INSL6: variants seen among roughly 807,000 people sequenced by gnomAD.
INSL6 encodes the protein insulin like 6.
A neutral mutation model predicts 9.4 loss-of-function variants in INSL6; 16 were observed. That is an observed-to-expected ratio of 1.70 (90% CI 1.15 to 2.59). The LOEUF (loss-of-function observed/expected upper bound fraction) is 2.59, where lower values mean the gene tolerates loss of function less well. INSL6 is among the 30% of genes most tolerant of loss of function. The pLI is 0.00. For missense variants in INSL6, 391 were observed against 257.3 expected, an observed-to-expected ratio of 1.52 and a Z score of -3.56; for synonymous variants, 154 against 96.9, an observed-to-expected ratio of 1.59 and a Z score of -3.46.
the INSL6 span, among the ~76,000 whole-genome samples, chr9:4,992,546 C>T: frequency 6.6e-6 from 1 of 152,176 alleles, no homozygotes; most frequent in African/African-American, 2.4e-5. Context: ...CCTCCTGTAT[C>T]TGAAATACAC....
the INSL6 span, among the ~76,000 whole-genome samples, chr9:4,999,250 A>G: frequency 6.6e-6 from 1 of 152,308 alleles, no homozygotes; most frequent in South Asian, 2.1e-4. Flanking sequence ...TCTAAAGCCT[A>G]AAAGTTGAAT....
intron 1 of INSL6, among the ~76,000 whole-genome samples, chr9:5,175,881 T>C (rs963340931): frequency 1.3e-5 from 2 of 152,172 alleles, no homozygotes; most frequent in African/African-American, 4.8e-5. Context: ...GTAAATTGTA[T>C]AATTATTTCA....
At chr9:5,053,039 G>T in the INSL6 span, among the ~76,000 whole-genome samples, 1,358 of 152,088 alleles carry the variant, frequency 8.9e-3, 17 homozygotes, top group African/African-American at 0.03. Context: ...GGAACATATG[G>T]TAACTGTTTA....
At chr9:5,086,342 C>T in the INSL6 span, among the ~76,000 whole-genome samples, 1 of 152,116 alleles carries the variant, frequency 6.6e-6, no homozygotes. Flanking sequence ...CGCTTCACTC[C>T]TAGCGGTTTT....
At chr9:5,182,229 T>A (rs972669293) in intron 1 of INSL6, among the ~76,000 whole-genome samples, 9 of 152,094 alleles carry the variant, frequency 5.9e-5, no homozygotes, top group Non-Finnish European at 1.2e-4. Context: ...TATGCAGTAG[T>A]TAGAAGCAAT....
the INSL6 span, among the ~76,000 whole-genome samples, chr9:5,049,186 C>T: frequency 1.2e-3 from 184 of 152,206 alleles, no homozygotes; most frequent in Non-Finnish European, 2.3e-3. Flanking sequence ...AAAGAGCCTC[C>T]GTAAATACAC....
the INSL6 span, among the ~76,000 whole-genome samples, chr9:5,049,458 A>G: frequency 1.3e-5 from 2 of 152,114 alleles, no homozygotes; most frequent in Admixed American, 1.3e-4. Flanking sequence ...TTTTGTGTCC[A>G]TCATACATTT....
chr9:5,111,329 C>G, the INSL6 span: 2 of 439,178 alleles, frequency 4.6e-6, no homozygotes, highest in Admixed American at 3.0e-5. Context: ...CCCTGTCCCC[C>G]TCAGGCATGA....
chr9:5,011,620 G>A, the INSL6 span, among the ~76,000 whole-genome samples: 1 of 151,760 alleles, frequency 6.6e-6, no homozygotes, highest in Admixed American at 6.6e-5. Context: ...CTAATATTTG[G>A]GTCTGCTTTG....
At chr9:5,117,309 G>T in the INSL6 span, among the ~76,000 whole-genome samples, 2 of 152,212 alleles carry the variant, frequency 1.3e-5, no homozygotes, top group African/African-American at 4.8e-5. Flanking sequence ...TTCTTTAGTA[G>T]ACAGTGCGTA....
the INSL6 span, chr9:5,085,774 T>G: frequency 1.6e-5 from 12 of 754,170 alleles, no homozygotes; most frequent in Middle Eastern, 2.3e-4. Flanking sequence ...CGGGAGTTAT[T>G]ATGATGAATA....
At chr9:5,172,800 T>G (rs986147831) in intron 1 of INSL6, among the ~76,000 whole-genome samples, 1 of 151,932 alleles carries the variant, frequency 6.6e-6, no homozygotes, top group African/African-American at 2.4e-5. Flanking sequence ...TGGTGGTGTG[T>G]GCCTGTAGTC....
At chr9:5,113,050 C>T in the INSL6 span, among the ~76,000 whole-genome samples, 1 of 152,082 alleles carries the variant, frequency 6.6e-6, no homozygotes, top group African/African-American at 2.4e-5. Context: ...GACGCTGGGT[C>T]CAGGAGCTCC....
the INSL6 span, among the ~76,000 whole-genome samples, chr9:5,079,122 A>T: frequency 6.6e-6 from 1 of 152,328 alleles, no homozygotes; most frequent in African/African-American, 2.4e-5. Flanking sequence ...TCTGACAGTG[A>T]AGACAGTGAT....
the INSL6 span, among the ~76,000 whole-genome samples, chr9:5,060,888 T>G: frequency 2.0e-5 from 3 of 152,228 alleles, no homozygotes; most frequent in South Asian, 6.2e-4. Context: ...ATAATAAGAC[T>G]TGAAAGTTGA....
chr9:5,045,081 G>C, the INSL6 span, among the ~76,000 whole-genome samples: 8 of 152,240 alleles, frequency 5.3e-5, no homozygotes, highest in East Asian at 1.2e-3. Flanking sequence ...ATTTCATAAT[G>C]CTTTCTTCTC....
the INSL6 span, among the ~76,000 whole-genome samples, chr9:5,059,933 A>T: frequency 6.6e-6 from 1 of 152,088 alleles, no homozygotes; most frequent in Admixed American, 6.6e-5. Context: ...TATAGATTCT[A>T]AGTCTTTTGT....
At chr9:5,041,204 G>T in the INSL6 span, 1 of 1,457,524 alleles carries the variant, frequency 6.9e-7, no homozygotes, top group Non-Finnish European at 9.5e-7. Context: ...CGTGAAGCCC[G>T]AGAACTTCCT....
chr9:5,135,100 A>G (rs1824366835), intron 2 of INSL6, among the ~76,000 whole-genome samples: 1 of 152,200 alleles, frequency 6.6e-6, no homozygotes, highest in Non-Finnish European at 1.5e-5. Flanking sequence ...GCATTATATA[A>G]TGGTAAAGGG....
Sources: allele counts gnomAD v4.1 joint callset (sites outside exome capture counted in the v4.1 genomes callset), GRCh38; gene constraint gnomAD v4.1.1; transcripts MANE v1.5; gene names NCBI Gene and HGNC (gene_info 2026-07-23, HGNC 2026-07-21).